Variants in NOX3 observed in about 807,000 individuals in gnomAD.
The protein encoded by NOX3 is NADPH oxidase 3.
In NOX3, 74 loss-of-function variants were observed where a neutral mutation model predicts 76.7. The observed-to-expected ratio is 0.96, with a 90% confidence interval of 0.80 to 1.17. NOX3 has a LOEUF of 1.17. NOX3 is among the 50% of genes most tolerant of loss of function. The pLI, the probability that NOX3 is intolerant of heterozygous loss-of-function variation, is 0.00. For missense variants in NOX3, 695 were observed against 703.3 expected, an observed-to-expected ratio of 0.99 and a Z score of 0.13; for synonymous variants, 263 against 261.1, an observed-to-expected ratio of 1.01 and a Z score of -0.07.
intron 4 of NOX3, among the ~76,000 whole-genome samples, chr6:155,444,976 A>T (rs534946291): frequency 2.6e-4 from 40 of 152,340 alleles, no homozygotes; most frequent in African/African-American, 8.9e-4. Context: ...TAAGAAGTAA[A>T]TGGAGCTTTC....
chr6:155,443,557 T>A (rs1490013616), intron 4 of NOX3, 139 bp from the exon 5 acceptor site: 1 of 988,262 alleles, frequency 1.0e-6, no homozygotes, highest in Non-Finnish European at 1.4e-6. Context: ...TATTTACACA[T>A]CTTTCCCAGT....
At chr6:155,404,034 T>C (rs1217108792) in intron 12 of NOX3, among the ~76,000 whole-genome samples, 1 of 151,962 alleles carries the variant, frequency 6.6e-6, no homozygotes, top group Admixed American at 6.6e-5. Context: ...GATATAGATG[T>C]CCATGTCAAA....
chr6:155,444,414 G>A (rs1053050111), intron 4 of NOX3, among the ~76,000 whole-genome samples: 1 of 152,148 alleles, frequency 6.6e-6, no homozygotes, highest in African/African-American at 2.4e-5. Flanking sequence ...GTTTGTGTGC[G>A]AGTCATCCTT....
chr6:155,408,065 A>G (rs1582927846), intron 11 of NOX3, among the ~76,000 whole-genome samples: 2 of 151,534 alleles, frequency 1.3e-5, no homozygotes, highest in Admixed American at 1.3e-4. Flanking sequence ...TGCAATCTCC[A>G]CCTCCTGAGT....
At position 155,407,270 on chromosome 6, in the gene NOX3, G is replaced by A. The variant is rs1227436206; in HGVS notation, c.1456-16C>T. On this transcript the variant is annotated splice_polypyrimidine_tract_variant and intron_variant, in intron 11 of 13. Transcript: ENST00000159060. ...TGTGAAGAGCCTAAAGTAAATTTGTGGCATTAGATGACATTTAGAAAAAAA... is the reference window on the plus strand; with the variant it reads ...TGTGAAGAGCCTAAAGTAAATTTGTAGCATTAGATGACATTTAGAAAAAAA... 6.3e-7 allele frequency: 1 copy of A among 1,598,234 alleles called. No homozygotes were observed. The highest frequency in any genetic ancestry group is 8.5e-7 in the Non-Finnish European group (1 of 1,172,556).
chr6:155,448,181 T>G (rs974463761), intron 4 of NOX3, among the ~76,000 whole-genome samples: 2 of 152,166 alleles, frequency 1.3e-5, no homozygotes, highest in African/African-American at 4.8e-5. Context: ...CTAAACAAGG[T>G]TATCTAAGCC....
chr6:155,401,971 A>G (rs1408752561), intron 12 of NOX3, among the ~76,000 whole-genome samples: 1 of 152,176 alleles, frequency 6.6e-6, no homozygotes. Context: ...TATTCAATTA[A>G]TTAAAAGCAA....
In NOX3 at chr6:155,455,140, A is replaced by G; in HGVS notation, c.49-11T>C. The stretch of plus-strand genomic sequence containing the variant: ...TCCCAGCCATGAGAGCTAGAGTAGA[A>G]AGGAAAGAGAACCAATGATTACTAC... On this transcript the variant is annotated splice_polypyrimidine_tract_variant and intron_variant, in intron 1 of 13. Coordinates refer to ENST00000159060, the MANE Select transcript of NOX3 (RefSeq NM_015718.3). 6.4e-7 allele frequency: 1 copy of G among 1,561,626 alleles called. No individual in the cohort carries two copies. The highest frequency in any genetic ancestry group is 8.8e-7 in the Non-Finnish European group (1 of 1,136,310).
At chr6:155,403,757 A>C (rs1256531969) in intron 12 of NOX3, among the ~76,000 whole-genome samples, 1 of 152,102 alleles carries the variant, frequency 6.6e-6, no homozygotes, top group Non-Finnish European at 1.5e-5. Context: ...CTCAGCACTG[A>C]GTTACATAAT....
At chr6:155,455,650 G>C (rs1435181183) in intron 1 of NOX3, 103 bp downstream of exon 1, 9 of 810,694 alleles carry the variant, frequency 1.1e-5, no homozygotes, top group Non-Finnish European at 1.8e-5. Context: ...CTTTTAACTA[G>C]AGTAATACTT....
chr6:155,428,839 A>G lies in NOX3; in HGVS notation c.1100T>C (p.Phe367Ser), dbSNP rs1279772773. ...CTGGAGGGCCTGTCCCTCTGCCCCA[A>G]AGGCCTCCAGTAGCGCTGCTGTCCA... ...GDWTAALLEA[F>S]GAEGQALQEP... The change falls in exon 9 of 14, where the codon TTT becomes TCT. Residue 367 changes from phenylalanine to serine, a missense_variant. Physicochemically the swap from Phe to Ser is radical, Grantham distance 155. Coordinates refer to ENST00000159060, the MANE Select transcript of NOX3 (RefSeq NM_015718.3). 2.5e-6 allele frequency: 4 copies of G among 1,584,698 alleles called. No homozygotes were observed. Among genetic ancestry groups the G allele is most frequent in the Non-Finnish European group, 3.4e-6 (4 of 1,160,874 alleles).
At chr6:155,421,052 T>C (rs58106289) in intron 10 of NOX3, among the ~76,000 whole-genome samples, 2,399 of 152,280 alleles carry the variant, frequency 0.016, 62 homozygotes, top group African/African-American at 0.055. Context: ...GAATCAGGCA[T>C]GTTCTTTGAT....
intron 4 of NOX3, 104 bp from the exon 5 acceptor site, chr6:155,443,522 T>G: frequency 7.3e-7 from 1 of 1,361,698 alleles, no homozygotes. Flanking sequence ...GTTCTGGTTT[T>G]TGTAATCTCC....
chr6:155,429,196 G>T, intron 8 of NOX3, 149 bp from the exon 9 acceptor site: 2 of 717,674 alleles, frequency 2.8e-6, no homozygotes, highest in Non-Finnish European at 4.2e-6. Context: ...AAAGATATGT[G>T]CCATCGCTTT....
chr6:155,439,062 C>T (rs1562469400), intron 6 of NOX3, among the ~76,000 whole-genome samples: 3 of 152,138 alleles, frequency 2.0e-5, no homozygotes. Flanking sequence ...ATCATGGGAC[C>T]TTGAGGGCAT....
At chr6:155,406,239 C>T (rs1370364361) in intron 12 of NOX3, among the ~76,000 whole-genome samples, 1 of 151,936 alleles carries the variant, frequency 6.6e-6, no homozygotes, top group Non-Finnish European at 1.5e-5. Flanking sequence ...CATTAGTGCC[C>T]CATACTACAA....
At chr6:155,421,387 G>C (rs1157459709) in intron 10 of NOX3, among the ~76,000 whole-genome samples, 2 of 152,188 alleles carry the variant, frequency 1.3e-5, no homozygotes, top group East Asian at 3.9e-4. Context: ...GGAAACTCAT[G>C]AAATAGTTAA....
intron 4 of NOX3, among the ~76,000 whole-genome samples, chr6:155,448,369 G>T (rs1011090235): frequency 1.3e-5 from 2 of 152,098 alleles, no homozygotes; most frequent in Non-Finnish European, 1.5e-5. Flanking sequence ...TAAATCCAAC[G>T]CCATTAGCTA....
intron 5 of NOX3, among the ~76,000 whole-genome samples, chr6:155,442,361 G>A (rs1030246342): frequency 6.6e-6 from 1 of 152,224 alleles, no homozygotes; most frequent in Non-Finnish European, 1.5e-5. Flanking sequence ...AGGCTAATTA[G>A]GGGACATGAC....
Sources: gnomAD v4.1 joint callset for allele counts (sites outside exome capture counted in the v4.1 genomes callset) on GRCh38, gnomAD v4.1.1 for gene constraint, MANE v1.5 for transcripts, NCBI Gene and HGNC (gene_info 2026-07-23, HGNC 2026-07-21) for gene names.